Variants in SPAG16 observed in about 807,000 individuals in gnomAD.
SPAG16 encodes the protein sperm-associated antigen 16 protein.
Under a neutral mutation model 80.4 loss-of-function variants are expected in SPAG16, and 86 were observed. That is an observed-to-expected ratio of 1.07 (90% CI 0.90 to 1.28). The LOEUF (loss-of-function observed/expected upper bound fraction) is 1.28, where lower values mean the gene tolerates loss of function less well. Among genes scored for constraint, SPAG16 ranks in the 50% most tolerant of loss-of-function variants. SPAG16 has a pLI of 0.00. For synonymous variants in SPAG16, 294 were observed against 265.9 expected, an observed-to-expected ratio of 1.11 and a Z score of -1.03; for missense variants, 870 against 765.3, an observed-to-expected ratio of 1.14 and a Z score of -1.61.
intron 10 of SPAG16, among the ~76,000 whole-genome samples, chr2:213,762,195 A>T (rs1201263898): frequency 9.9e-5 from 15 of 152,220 alleles, no homozygotes; most frequent in Admixed American, 9.8e-4. Context: ...AGTGGCTTCC[A>T]GGGACTGGGA....
chr2:213,509,515 C>A (rs901200655), intron 10 of SPAG16, among the ~76,000 whole-genome samples: 12 of 152,162 alleles, frequency 7.9e-5, no homozygotes, highest in Non-Finnish European at 1.5e-5. Flanking sequence ...GTCCATCTAA[C>A]CTCTATTTAC....
chr2:213,788,696 T>C (rs554573664), intron 10 of SPAG16, among the ~76,000 whole-genome samples: 172 of 152,038 alleles, frequency 1.1e-3, no homozygotes, highest in Middle Eastern at 3.4e-3. Flanking sequence ...ATAGGCTGAC[T>C]TAATCCCTCT....
At chr2:214,066,995 G>T (rs1576047774) in intron 13 of SPAG16, among the ~76,000 whole-genome samples, 1 of 152,248 alleles carries the variant, frequency 6.6e-6, no homozygotes, top group South Asian at 2.1e-4. Context: ...GCTCTCTGGG[G>T]GGTTTTAGGA....
chr2:214,072,009 T>A (rs2050809064), intron 13 of SPAG16, among the ~76,000 whole-genome samples: 1 of 152,140 alleles, frequency 6.6e-6, no homozygotes, highest in Admixed American at 6.6e-5. Flanking sequence ...AGCTATTTTT[T>A]AAGAAACAAT....
At chr2:214,026,110 C>A (rs1219895903) in intron 13 of SPAG16, among the ~76,000 whole-genome samples, 1 of 151,272 alleles carries the variant, frequency 6.6e-6, no homozygotes, top group Admixed American at 6.6e-5. Flanking sequence ...TTTGTTTGTC[C>A]AAAAACAGTT....
chr2:213,339,491 A>G (rs2064561085), intron 5 of SPAG16, among the ~76,000 whole-genome samples: 1 of 152,204 alleles, frequency 6.6e-6, no homozygotes. Flanking sequence ...TTAAATGTTC[A>G]CATAGAACCT....
intron 13 of SPAG16, among the ~76,000 whole-genome samples, chr2:214,079,019 T>A (rs1231095007): frequency 6.6e-6 from 1 of 152,114 alleles, no homozygotes; most frequent in Non-Finnish European, 1.5e-5. Flanking sequence ...CTTGGTGTGA[T>A]CTGTGGAATA....
At chr2:214,081,416 A>G (rs1449319597) in intron 13 of SPAG16, among the ~76,000 whole-genome samples, 1 of 152,192 alleles carries the variant, frequency 6.6e-6, no homozygotes, top group African/African-American at 2.4e-5. Flanking sequence ...ACTTAAGATT[A>G]GATCATACTG....
chr2:213,842,568 A>G (rs1277782658), intron 10 of SPAG16, among the ~76,000 whole-genome samples: 2 of 151,790 alleles, frequency 1.3e-5, no homozygotes, highest in East Asian at 3.9e-4. Flanking sequence ...TTTTTGCCAA[A>G]CTAACATTTT....
chr2:213,852,237 G>C lies in SPAG16; in HGVS notation c.1071-10248G>C, dbSNP rs1254274993. ...TCTGCCATGATGATGAGGAGCCGTA[G>C]TTTAAATAGATCTGGGTTGCTACTG... is the stretch of plus-strand genomic sequence containing the variant. On this transcript the variant is annotated intron_variant, in intron 10 of 15. Transcript: ENST00000331683. 3.3e-5 allele frequency among the ~76,000 whole-genome samples: 5 copies of C among 152,352 alleles called. No homozygotes were observed. In the East Asian group the frequency reaches 7.7e-4, roughly 23 times the overall value.
chr2:213,451,332 G>A (rs2071677848), intron 9 of SPAG16, among the ~76,000 whole-genome samples: 1 of 152,052 alleles, frequency 6.6e-6, no homozygotes, highest in Non-Finnish European at 1.5e-5. Flanking sequence ...ATGCCCACAG[G>A]TTCAGTTACC....
intron 12 of SPAG16, among the ~76,000 whole-genome samples, chr2:213,962,081 T>C (rs1206301555): frequency 6.6e-6 from 1 of 152,172 alleles, no homozygotes; most frequent in Admixed American, 6.5e-5. Flanking sequence ...TCAAAGTTCA[T>C]GTGTTGAAGC....
At chr2:214,311,984 T>A (rs1695370265) in intron 15 of SPAG16, among the ~76,000 whole-genome samples, 1 of 152,138 alleles carries the variant, frequency 6.6e-6, no homozygotes, top group Admixed American at 6.5e-5. Flanking sequence ...CTTTATCAAA[T>A]GAAATGAGTT....
At chr2:214,356,897 G>A (rs577228748) in intron 15 of SPAG16, among the ~76,000 whole-genome samples, 2 of 151,754 alleles carry the variant, frequency 1.3e-5, no homozygotes, top group Non-Finnish European at 2.9e-5. Flanking sequence ...TTCTTTTGTG[G>A]TCATTTGTAT....
intron 10 of SPAG16, among the ~76,000 whole-genome samples, chr2:213,629,050 A>G (rs1186613184): frequency 2.0e-5 from 3 of 152,362 alleles, no homozygotes; most frequent in African/African-American, 7.2e-5. Flanking sequence ...TGACAGAGGT[A>G]AGGCAACAAC....
intron 15 of SPAG16, among the ~76,000 whole-genome samples, chr2:214,258,471 G>GTGTGTGTGTGTATATATA (rs1553539128): frequency 1.4e-5 from 2 of 141,430 alleles, no homozygotes; most frequent in African/African-American, 5.2e-5. Context: ...ATGTGTGTGT[G>GTGTGTGTGTGTATATATA]TATATATATA....
chr2:213,550,230 G>C (rs960522805), intron 10 of SPAG16, among the ~76,000 whole-genome samples: 3 of 149,022 alleles, frequency 2.0e-5, no homozygotes, highest in African/African-American at 7.4e-5. Flanking sequence ...TTTTTTTTCA[G>C]AATTAATCAG....
intron 15 of SPAG16, chr2:214,280,590 A>T (rs577867528): frequency 3.7e-5 from 8 of 213,756 alleles, no homozygotes; most frequent in East Asian, 1.1e-4. Flanking sequence ...CGTTTTTTTT[A>T]AATTTATCGT....
At chr2:213,465,040 A>G (rs1354798963) in intron 9 of SPAG16, among the ~76,000 whole-genome samples, 1 of 152,078 alleles carries the variant, frequency 6.6e-6, no homozygotes, top group Non-Finnish European at 1.5e-5. Context: ...CTACCAGTTT[A>G]TTTCCCTCAG....
Sources: allele counts gnomAD v4.1 joint callset (sites outside exome capture counted in the v4.1 genomes callset), GRCh38; gene constraint gnomAD v4.1.1; transcripts MANE v1.5; gene names NCBI Gene and HGNC (gene_info 2026-07-23, HGNC 2026-07-21).